Variants in PDE10A observed in about 807,000 individuals in gnomAD.
PDE10A encodes cAMP and cAMP-inhibited cGMP 3',5'-cyclic phosphodiesterase 10A.
Under a neutral mutation model 97.7 loss-of-function variants are expected in PDE10A, and 39 were observed. That is an observed-to-expected ratio of 0.40 (90% CI 0.31 to 0.52). PDE10A has a LOEUF of 0.52. PDE10A is among the 20% of genes least tolerant of loss of function. The pLI is 0.56. For synonymous variants in PDE10A, 371 were observed against 376.8 expected (o/e 0.98, Z 0.18); for missense variants, 731 against 1,047.8 (o/e 0.70, Z 4.17).
At chr6:165,884,901 T>TA (rs1243320896) in intron 1 of PDE10A, among the ~76,000 whole-genome samples, 1 of 152,034 alleles carries the variant, frequency 6.6e-6, no homozygotes, top group Non-Finnish European at 1.5e-5. Flanking sequence ...GGGAAGGAAA[T>TA]AAACACAGAG....
intron 1 of PDE10A, among the ~76,000 whole-genome samples, chr6:165,721,868 C>T (rs981482952): frequency 4.6e-5 from 7 of 152,056 alleles, no homozygotes; most frequent in African/African-American, 1.4e-4. Flanking sequence ...GACGCTAAGA[C>T]GGATAAGGTT....
At chr6:165,537,717 A>C (rs1783176523) in intron 2 of PDE10A, among the ~76,000 whole-genome samples, 1 of 151,946 alleles carries the variant, frequency 6.6e-6, no homozygotes, top group Non-Finnish European at 1.5e-5. Context: ...TGGTGGACTC[A>C]TGTTTATTTA....
intron 1 of PDE10A, among the ~76,000 whole-genome samples, chr6:165,608,435 T>C (rs1199031813): frequency 2.0e-5 from 3 of 152,068 alleles, no homozygotes; most frequent in African/African-American, 7.3e-5. Context: ...ACAAAGGACA[T>C]GAACTCATCC....
At chr6:165,623,273 C>T (rs961421956) in intron 1 of PDE10A, among the ~76,000 whole-genome samples, 5 of 152,090 alleles carry the variant, frequency 3.3e-5, no homozygotes, top group Admixed American at 6.5e-5. Context: ...TTACAGGCAC[C>T]GGCCACCATG....
At chr6:165,967,028 G>T (rs1325457095) in intron 1 of PDE10A, among the ~76,000 whole-genome samples, 2 of 152,122 alleles carry the variant, frequency 1.3e-5, no homozygotes, top group East Asian at 3.9e-4. Context: ...TGACTGCTAA[G>T]CTTCTAGAAA....
At chr6:165,962,541 A>G (rs1057041393) in intron 1 of PDE10A, among the ~76,000 whole-genome samples, 2 of 146,426 alleles carry the variant, frequency 1.4e-5, no homozygotes, top group Admixed American at 1.4e-4. Flanking sequence ...GCCCTGGGAC[A>G]GGATGTGCTA....
intron 1 of PDE10A, chr6:165,908,924 G>C (rs1264400858): frequency 6.6e-6 from 1 of 152,156 alleles, no homozygotes; most frequent in Non-Finnish European, 1.5e-5. Context: ...TGAAGGACAC[G>C]TCAGAAGTGG....
chr6:165,723,878 C>G (rs923910581), intron 1 of PDE10A, among the ~76,000 whole-genome samples: 1 of 151,256 alleles, frequency 6.6e-6, no homozygotes, highest in Admixed American at 6.6e-5. Flanking sequence ...CCTTGGGGGT[C>G]AGTCTAAAAT....
intron 1 of PDE10A, among the ~76,000 whole-genome samples, chr6:165,617,455 C>T (rs571862135): frequency 8.5e-5 from 13 of 152,256 alleles, no homozygotes; most frequent in South Asian, 4.1e-4. Flanking sequence ...GCGATTCTCC[C>T]GCTTCAGCCT....
At chr6:165,625,814 T>C (rs180867819) in intron 1 of PDE10A, among the ~76,000 whole-genome samples, 156 of 152,328 alleles carry the variant, frequency 1.0e-3, no homozygotes, top group African/African-American at 3.7e-3. Flanking sequence ...TCTTTTTCTT[T>C]ATAAATTACC....
At chr6:165,943,808 T>C (rs758541632) in intron 1 of PDE10A, among the ~76,000 whole-genome samples, 11 of 152,206 alleles carry the variant, frequency 7.2e-5, no homozygotes, top group Non-Finnish European at 1.3e-4. Context: ...TCCAGCAATC[T>C]GGGCACCACC....
chr6:165,333,432 A>C (rs1037885255), intron 21 of PDE10A, among the ~76,000 whole-genome samples: 1 of 152,184 alleles, frequency 6.6e-6, no homozygotes, highest in Non-Finnish European at 1.5e-5. Flanking sequence ...GAACAGGGAA[A>C]GAGCCCTAGG....
chr6:165,974,694 G>A (rs962652049), intron 1 of PDE10A, among the ~76,000 whole-genome samples: 2 of 152,162 alleles, frequency 1.3e-5, no homozygotes, highest in African/African-American at 2.4e-5. Context: ...TACCTTCTCT[G>A]GGACCACAGT....
chr6:165,817,640 G>A (rs921492731), intron 1 of PDE10A, among the ~76,000 whole-genome samples: 4 of 152,156 alleles, frequency 2.6e-5, no homozygotes, highest in African/African-American at 4.8e-5. Flanking sequence ...AACAGAGCCC[G>A]GCTCAGTCCC....
intron 1 of PDE10A, among the ~76,000 whole-genome samples, chr6:165,818,143 C>G (rs1472588953): frequency 6.6e-6 from 1 of 152,222 alleles, no homozygotes; most frequent in African/African-American, 2.4e-5. Context: ...CACTGTCCCT[C>G]TTGTTGATTG....
At position 165,496,699 on chromosome 6, in the gene PDE10A, T is replaced by C. The variant is rs564104019; in HGVS notation, c.995-14356A>G. On this transcript the variant is annotated intron_variant, in intron 2 of 21. Coordinates refer to ENST00000539869, the MANE Select transcript of PDE10A (RefSeq NM_001385079.1). Reference sequence around the variant, plus strand: ...TCTTTTACATTACTGAAAAATAAAATCATTCCAAAATGATTCTGTGATTAT... The same window carrying C: ...TCTTTTACATTACTGAAAAATAAAACCATTCCAAAATGATTCTGTGATTAT... 7.2e-5 allele frequency among the ~76,000 whole-genome samples: 11 copies of C among 152,320 alleles called. No individual in the cohort carries two copies. The South Asian group carries it at 2.1e-3, about 29-fold the overall frequency.
intron 1 of PDE10A, among the ~76,000 whole-genome samples, chr6:165,772,777 G>A (rs541167924): frequency 1.3e-5 from 2 of 152,202 alleles, no homozygotes; most frequent in Admixed American, 6.5e-5. Flanking sequence ...GGAAGAGACA[G>A]AGTGAAAAAT....
chr6:165,897,972 G>A (rs946228991), intron 1 of PDE10A, among the ~76,000 whole-genome samples: 72 of 151,928 alleles, frequency 4.7e-4, no homozygotes, highest in African/African-American at 1.6e-3. Flanking sequence ...CAGGTGCCCC[G>A]TGCGGTCCTT....
intron 2 of PDE10A, among the ~76,000 whole-genome samples, chr6:165,488,872 T>C (rs1780069852): frequency 6.6e-6 from 1 of 151,976 alleles, no homozygotes; most frequent in Non-Finnish European, 1.5e-5. Flanking sequence ...CGTAACTCCA[T>C]TGGTCTAGGA....
Sources: allele counts gnomAD v4.1 joint callset (sites outside exome capture counted in the v4.1 genomes callset), GRCh38; gene constraint gnomAD v4.1.1; transcripts MANE v1.5; gene names NCBI Gene and HGNC (gene_info 2026-07-23, HGNC 2026-07-21).